DACH2: variants seen among roughly 807,000 people sequenced by gnomAD.
The protein encoded by DACH2 is dachshund homolog 2.
DACH2 carries 17 observed loss-of-function variants against 35.8 expected under a neutral mutation model. That is an observed-to-expected ratio of 0.48 (90% confidence interval 0.33 to 0.71). DACH2 has a LOEUF of 0.71. Among genes scored for constraint, DACH2 ranks in the 30% least tolerant of loss-of-function variants. The pLI is 0.02. For synonymous variants in DACH2, 195 were observed against 177.3 expected (o/e 1.10, Z -0.79); for missense variants, 469 against 472.7 (o/e 0.99, Z 0.07).
At chrX:86,428,375 C>G (rs976101963) in intron 2 of DACH2, among the ~76,000 whole-genome samples, 12 of 111,689 alleles carry the variant, frequency 1.1e-4, no homozygotes, top group Non-Finnish European at 1.9e-4. Context: ...ATAATTTATA[C>G]TGACATATAT....
chrX:86,828,868 A>G lies in DACH2; in HGVS notation c.1751-3238A>G, dbSNP rs140712196. 398 of 111,814 alleles carry G rather than the reference A, an allele frequency of 3.6e-3. 2 individuals are homozygous for G. Among genetic ancestry groups the G allele is most frequent in the African/African-American group, 0.013 (387 of 30,860 alleles). 9.2% of individuals were successfully genotyped at this position (111,814 alleles called of 1,213,427 possible). ...GTACTCTAATGATCAAAAAGATTTA[A>G]TGCTCCTCCTAAAGTGCCCTCCTTA... is the stretch of plus-strand genomic sequence containing the variant. On this transcript the variant is annotated intron_variant, in intron 11 of 11. Coordinates refer to ENST00000373125, the MANE Select transcript of DACH2 (RefSeq NM_053281.3).
intron 1 of DACH2, among the ~76,000 whole-genome samples, chrX:86,276,958 G>A (rs1029392824): frequency 2.7e-5 from 3 of 111,584 alleles, no homozygotes; most frequent in Non-Finnish European, 5.6e-5. Context: ...TTGTAGTTGG[G>A]TAATGAGATT....
At chrX:86,504,653 G>T (rs1366533670) in intron 2 of DACH2, among the ~76,000 whole-genome samples, 1 of 110,599 alleles carries the variant, frequency 9.0e-6, no homozygotes, top group Non-Finnish European at 1.9e-5. Flanking sequence ...ACATCTAATT[G>T]CTCATGAGCA....
intron 1 of DACH2, among the ~76,000 whole-genome samples, chrX:86,349,863 A>G (rs1212943922): frequency 9.0e-6 from 1 of 111,577 alleles, no homozygotes; most frequent in Non-Finnish European, 1.9e-5. Flanking sequence ...TATTAGATTT[A>G]TTTACACTAC....
At chrX:86,291,263 T>C (rs1365907100) in intron 1 of DACH2, among the ~76,000 whole-genome samples, 3 of 105,518 alleles carry the variant, frequency 2.8e-5, no homozygotes, top group African/African-American at 7.0e-5. Context: ...GTGATTTTTG[T>C]ACATTGATTT....
intron 1 of DACH2, among the ~76,000 whole-genome samples, chrX:86,191,242 G>A (rs1321684024): frequency 3.6e-5 from 4 of 111,601 alleles, no homozygotes; most frequent in Non-Finnish European, 3.8e-5. Context: ...GCCAATCAAC[G>A]GTGGACTGGA....
At chrX:86,260,808 C>T (rs1395892834) in intron 1 of DACH2, among the ~76,000 whole-genome samples, 1 of 82,450 alleles carries the variant, frequency 1.2e-5, no homozygotes, top group Non-Finnish European at 2.1e-5. Flanking sequence ...GATTGGAACT[C>T]AGATGGGTCT....
chrX:86,440,364 G>C (rs2037140078), intron 2 of DACH2, among the ~76,000 whole-genome samples: 2 of 110,880 alleles, frequency 1.8e-5, no homozygotes, highest in South Asian at 7.6e-4. Context: ...TTTTGTAATG[G>C]CCCCCTTTAT....
chrX:86,828,912 C>T (rs2042586615), intron 11 of DACH2: 1 of 111,428 alleles, frequency 9.0e-6, no homozygotes, highest in Admixed American at 9.6e-5. Flanking sequence ...AATATATAAT[C>T]CATTGTGTTG....
chrX:86,468,483 C>A (rs1384658758), intron 2 of DACH2, among the ~76,000 whole-genome samples: 1 of 111,401 alleles, frequency 9.0e-6, no homozygotes, highest in Non-Finnish European at 1.9e-5. Flanking sequence ...TTAACTACAA[C>A]AACTTCTTTT....
chrX:86,283,176 G>T (rs2034069654), intron 1 of DACH2, among the ~76,000 whole-genome samples: 1 of 109,708 alleles, frequency 9.1e-6, no homozygotes, highest in Middle Eastern at 4.7e-3. Context: ...AAACCACAAT[G>T]AAATACCATC....
intron 4 of DACH2, among the ~76,000 whole-genome samples, chrX:86,654,523 T>A (rs1450846685): frequency 9.0e-6 from 1 of 111,126 alleles, no homozygotes; most frequent in African/African-American, 3.3e-5. Flanking sequence ...GACAGTGACT[T>A]TTTTCTACAT....
chrX:86,687,810 C>T (rs748516955), intron 4 of DACH2, among the ~76,000 whole-genome samples: 26 of 109,003 alleles, frequency 2.4e-4, no homozygotes, highest in Non-Finnish European at 4.2e-4. Flanking sequence ...CCAAACACCG[C>T]ATGTTCTCAC....
chrX:86,787,751 C>T (rs1345019953), intron 7 of DACH2, among the ~76,000 whole-genome samples: 2 of 111,382 alleles, frequency 1.8e-5, no homozygotes, highest in Non-Finnish European at 1.9e-5. Flanking sequence ...TGTAATGCAA[C>T]TTGTTATTTT....
intron 1 of DACH2, among the ~76,000 whole-genome samples, chrX:86,149,975 A>G (rs2030307153): frequency 8.9e-6 from 1 of 111,762 alleles, no homozygotes; most frequent in African/African-American, 3.3e-5. Flanking sequence ...CCTTAAAGAC[A>G]GGATTCCTTA....
intron 1 of DACH2, among the ~76,000 whole-genome samples, chrX:86,374,252 T>C (rs2035931902): frequency 9.0e-6 from 1 of 111,313 alleles, no homozygotes; most frequent in Non-Finnish European, 1.9e-5. Flanking sequence ...CACATTCACA[T>C]GCCCAAAGTT....
At chrX:86,584,374 G>T (rs1478413555) in intron 3 of DACH2, among the ~76,000 whole-genome samples, 1 of 109,919 alleles carries the variant, frequency 9.1e-6, no homozygotes, top group African/African-American at 3.3e-5. Context: ...TCACTTTTTC[G>T]TGGTTTGATA....
intron 1 of DACH2, among the ~76,000 whole-genome samples, chrX:86,254,561 G>T (rs190192312): frequency 9.3e-6 from 1 of 107,130 alleles, no homozygotes; most frequent in Admixed American, 1.0e-4. Flanking sequence ...TTTAATTAAA[G>T]GATCCTTGCA....
intron 4 of DACH2, among the ~76,000 whole-genome samples, chrX:86,687,446 A>G (rs2040958696): frequency 1.8e-5 from 2 of 111,847 alleles, no homozygotes; most frequent in African/African-American, 6.5e-5. Flanking sequence ...TGTTGGTGGG[A>G]ATGTAAATTA....
Sources: allele counts gnomAD v4.1 joint callset (sites outside exome capture counted in the v4.1 genomes callset), GRCh38; gene constraint gnomAD v4.1.1; transcripts MANE v1.5; gene names NCBI Gene and HGNC (gene_info 2026-07-23, HGNC 2026-07-21).